Variants in PACRG observed in about 807,000 individuals in gnomAD.
The protein encoded by PACRG is parkin coregulated, also known as parkin coregulated gene protein.
In PACRG, 29 loss-of-function variants were observed where a neutral mutation model predicts 29.7. The observed-to-expected ratio is 0.98, with a 90% CI of 0.73 to 1.33. The LOEUF (loss-of-function observed/expected upper bound fraction) is 1.33, where lower values mean the gene tolerates loss of function less well. Ranked by LOEUF, PACRG falls within the 40% of genes most tolerant of loss-of-function variation. The pLI, the probability that PACRG is intolerant of heterozygous loss-of-function variation, is 0.00. For missense variants in PACRG, 279 were observed against 316.2 expected (o/e 0.88, Z 0.89); for synonymous variants, 116 against 118.7 (o/e 0.98, Z 0.15).
chr6:162,966,405 G>A (rs1801022007), intron 2 of PACRG, among the ~76,000 whole-genome samples: 1 of 151,900 alleles, frequency 6.6e-6, no homozygotes, highest in African/African-American at 2.4e-5. Flanking sequence ...TATCCTAAGT[G>A]CTGACACACA....
chr6:163,201,351 T>C (rs550304380), intron 4 of PACRG, among the ~76,000 whole-genome samples: 8 of 152,336 alleles, frequency 5.3e-5, no homozygotes, highest in African/African-American at 1.9e-4. Context: ...GGATTTTTCG[T>C]AATCCTGCTG....
intron 2 of PACRG, among the ~76,000 whole-genome samples, chr6:162,969,021 T>C (rs1220141219): frequency 8.9e-6 from 1 of 112,488 alleles, no homozygotes; most frequent in African/African-American, 3.5e-5. Context: ...CCCTCCAGCC[T>C]GGGGAACAGA....
chr6:162,748,295 AG>A (rs1781244489), intron 1 of PACRG, among the ~76,000 whole-genome samples: 1 of 152,198 alleles, frequency 6.6e-6, no homozygotes, highest in African/African-American at 2.4e-5. Flanking sequence ...GTTTGAAACC[AG>A]TCTGGCCATC....
rs75064659 is a variant in PACRG at position 163,185,419 on chromosome 6, G to C, written c.613+96011G>C. Among the ~76,000 whole-genome samples the C allele has an allele frequency of 1.6e-3, 240 of 152,240 alleles. 2 individuals are homozygous for C. Among genetic ancestry groups the C allele is most frequent in the African/African-American group, 5.4e-3 (224 of 41,546 alleles). Reference sequence around the variant, plus strand: ...TGAGTAAAGTTCCAGGACAGTTCAGGGTTGTCATAGGAAATCTACATTTTT... The same window carrying C: ...TGAGTAAAGTTCCAGGACAGTTCAGCGTTGTCATAGGAAATCTACATTTTT... On this transcript the variant is annotated intron_variant, in intron 4 of 4. Coordinates refer to ENST00000366888, the MANE Select transcript of PACRG (RefSeq NM_001080379.2).
chr6:163,183,992 T>C (rs1003980600), intron 4 of PACRG, among the ~76,000 whole-genome samples: 5 of 152,248 alleles, frequency 3.3e-5, no homozygotes, highest in Admixed American at 2.6e-4. Context: ...GTATTTTGGC[T>C]GTACTGGAGC....
chr6:162,733,960 A>C (rs1158883513), intron 1 of PACRG, among the ~76,000 whole-genome samples: 2 of 152,160 alleles, frequency 1.3e-5, no homozygotes, highest in East Asian at 1.9e-4. Context: ...TCTACCAGAG[A>C]GTAAGCCCCA....
chr6:163,292,523 C>G (rs1297354441), intron 4 of PACRG, among the ~76,000 whole-genome samples: 1 of 152,128 alleles, frequency 6.6e-6, no homozygotes, highest in Non-Finnish European at 1.5e-5. Flanking sequence ...GCCTCGGCCT[C>G]CTGAGTAGCT....
At chr6:162,940,662 G>A (rs1282266216) in intron 2 of PACRG, among the ~76,000 whole-genome samples, 8 of 152,128 alleles carry the variant, frequency 5.3e-5, no homozygotes, top group East Asian at 1.9e-4. Context: ...TGCCTGGACC[G>A]GCTGCTGCTG....
At chr6:163,006,113 A>G (rs572168959) in intron 2 of PACRG, among the ~76,000 whole-genome samples, 277 of 142,590 alleles carry the variant, frequency 1.9e-3, no homozygotes, top group Non-Finnish European at 3.4e-3. Flanking sequence ...TAATATATAG[A>G]AACAAAACCC....
chr6:163,119,344 T>C (rs1816160564), intron 4 of PACRG, among the ~76,000 whole-genome samples: 1 of 152,242 alleles, frequency 6.6e-6, no homozygotes, highest in East Asian at 1.9e-4. Flanking sequence ...CTCATGGGTT[T>C]GTTTCAAGGA....
chr6:162,826,466 CTTTTTTTTTTTTTT>C (rs1303223832), intron 2 of PACRG, among the ~76,000 whole-genome samples: 1 of 138,720 alleles, frequency 7.2e-6, no homozygotes, highest in African/African-American at 2.6e-5. Flanking sequence ...TTTCTTTTTT[CTTTTTTTTTTTTTT>C]GAGATGGAGT....
At chr6:163,296,660 A>C (rs554128056) in intron 4 of PACRG, among the ~76,000 whole-genome samples, 1 of 152,348 alleles carries the variant, frequency 6.6e-6, no homozygotes, top group South Asian at 2.1e-4. Context: ...TATGGGATTC[A>C]TAAAGGGTTT....
At chr6:163,242,047 G>A (rs1172588505) in intron 4 of PACRG, among the ~76,000 whole-genome samples, 5 of 151,010 alleles carry the variant, frequency 3.3e-5, no homozygotes, top group Admixed American at 3.3e-4. Flanking sequence ...TGTTAGCTGA[G>A]GCAAAGCTCT....
At position 162,811,749 on chromosome 6, in the gene PACRG, C is replaced by T. The variant is rs565975677; in HGVS notation, c.157-2398C>T. Among the ~76,000 whole-genome samples the T allele has an allele frequency of 2.6e-5, 4 of 152,224 alleles. No homozygotes were observed. The South Asian group carries it at 8.3e-4, about 32-fold the overall frequency. On this transcript the variant is annotated intron_variant, in intron 1 of 4. Transcript: ENST00000366888. ...GGTAGACAAACTGATGTATCCATGCCATGGAATACCATTCACCATTAAACA... is the reference window on the plus strand; with the variant it reads ...GGTAGACAAACTGATGTATCCATGCTATGGAATACCATTCACCATTAAACA...
chr6:162,771,938 C>G (rs879601775), intron 1 of PACRG, among the ~76,000 whole-genome samples: 1 of 152,094 alleles, frequency 6.6e-6, no homozygotes, highest in Admixed American at 6.5e-5. Context: ...ACTACATTTC[C>G]AAGCAGGATA....
chr6:163,261,917 G>A (rs546010518), intron 4 of PACRG, among the ~76,000 whole-genome samples: 12 of 152,182 alleles, frequency 7.9e-5, no homozygotes, highest in East Asian at 7.7e-4. Context: ...ATCACCCGGG[G>A]TCCTGGAACC....
chr6:162,759,362 C>A (rs1023701832), intron 1 of PACRG, among the ~76,000 whole-genome samples: 1 of 152,122 alleles, frequency 6.6e-6, no homozygotes, highest in Non-Finnish European at 1.5e-5. Context: ...CCGTGGCTCA[C>A]ATAACCATGG....
At chr6:162,899,234 G>A (rs958337327) in intron 2 of PACRG, among the ~76,000 whole-genome samples, 1 of 152,158 alleles carries the variant, frequency 6.6e-6, no homozygotes, top group East Asian at 1.9e-4. Flanking sequence ...TGGCCAGGTG[G>A]TGTGCCAGGG....
intron 2 of PACRG, chr6:162,997,322 G>A: frequency 2.5e-6 from 1 of 406,264 alleles, no homozygotes. Context: ...TAATGAAAAA[G>A]TAAGAAAGCC....
Sources: allele counts gnomAD v4.1 joint callset (sites outside exome capture counted in the v4.1 genomes callset), GRCh38; gene constraint gnomAD v4.1.1; transcripts MANE v1.5; gene names NCBI Gene and HGNC (gene_info 2026-07-23, HGNC 2026-07-21).